SH3BGRL2: variants seen among roughly 807,000 people sequenced by gnomAD.
The protein encoded by SH3BGRL2 is SH3 domain-binding glutamic acid-rich-like protein 2.
In SH3BGRL2, 21 loss-of-function variants were observed where a neutral mutation model predicts 14.8. That is an observed-to-expected ratio of 1.42 (90% CI 1.01 to 2.05). The LOEUF (loss-of-function observed/expected upper bound fraction) is 2.05. Ranked by LOEUF, SH3BGRL2 falls within the 30% of genes most tolerant of loss-of-function variation. SH3BGRL2 has a pLI of 0.00. For synonymous variants in SH3BGRL2, 50 were observed against 47.8 expected (o/e 1.05, Z -0.19); for missense variants, 147 against 130.8 (o/e 1.12, Z -0.61).
At chr6:79,565,829 A>G in the SH3BGRL2 span, among the ~76,000 whole-genome samples, 2 of 152,226 alleles carry the variant, frequency 1.3e-5, no homozygotes, top group African/African-American at 2.4e-5. Context: ...ACTTCCCCCA[A>G]CAAATTATGG....
At chr6:79,683,925 G>A (rs139280854) in intron 2 of SH3BGRL2, among the ~76,000 whole-genome samples, 24 of 152,280 alleles carry the variant, frequency 1.6e-4, no homozygotes, top group African/African-American at 5.1e-4. Flanking sequence ...GAATGGAGTA[G>A]AACAAAATGA....
At chr6:79,633,638 C>T (rs1416780797) in intron 1 of SH3BGRL2, among the ~76,000 whole-genome samples, 2 of 152,112 alleles carry the variant, frequency 1.3e-5, no homozygotes, top group African/African-American at 2.4e-5. Flanking sequence ...TAATATTCTG[C>T]TGTTTGAAGA....
the SH3BGRL2 span, among the ~76,000 whole-genome samples, chr6:79,608,287 T>C: frequency 2.6e-5 from 4 of 152,094 alleles, no homozygotes; most frequent in African/African-American, 9.7e-5. Flanking sequence ...GTTTCTTCAA[T>C]TGGGAGGAAG....
the SH3BGRL2 span, among the ~76,000 whole-genome samples, chr6:79,602,893 ATGTCCTTATTCTT>A: frequency 6.6e-6 from 1 of 152,188 alleles, no homozygotes; most frequent in Non-Finnish European, 1.5e-5. Context: ...GTTATCTGAA[ATGTCCTTATTCTT>A]TTCTAGTCTT....
intron 1 of SH3BGRL2, among the ~76,000 whole-genome samples, chr6:79,670,553 T>G (rs1001535665): frequency 1.3e-5 from 2 of 152,238 alleles, no homozygotes; most frequent in African/African-American, 4.8e-5. Flanking sequence ...AGCTGTTATT[T>G]TCAATCCTTC....
intron 1 of SH3BGRL2, 64 bp downstream of exon 1, chr6:79,631,570 C>G (rs1562142606): frequency 7.9e-7 from 1 of 1,263,324 alleles, no homozygotes; most frequent in Non-Finnish European, 1.0e-6. Context: ...GGGAGGCGCG[C>G]GGCGCTCGTC....
chr6:79,611,637 C>T, the SH3BGRL2 span, among the ~76,000 whole-genome samples: 326 of 152,268 alleles, frequency 2.1e-3, no homozygotes, highest in Admixed American at 3.1e-3. Flanking sequence ...GTCTTGCACT[C>T]CTGACCTCAA....
At chr6:79,641,773 G>T (rs1010327402) in intron 1 of SH3BGRL2, among the ~76,000 whole-genome samples, 5 of 152,030 alleles carry the variant, frequency 3.3e-5, no homozygotes, top group Admixed American at 1.3e-4. Context: ...AAATCACAAT[G>T]ACCTTGAACT....
chr6:79,681,866 C>A (rs761687957), intron 2 of SH3BGRL2, among the ~76,000 whole-genome samples: 5 of 151,926 alleles, frequency 3.3e-5, no homozygotes, highest in Admixed American at 6.6e-5. Context: ...ACAGGAGAAT[C>A]GCTTGATCCC....
At chr6:79,602,420 C>T in the SH3BGRL2 span, among the ~76,000 whole-genome samples, 1 of 152,184 alleles carries the variant, frequency 6.6e-6, no homozygotes, top group African/African-American at 2.4e-5. Context: ...TCAGGGAGAA[C>T]AGGGCCTGGA....
chr6:79,573,637 T>G, the SH3BGRL2 span, among the ~76,000 whole-genome samples: 1 of 152,288 alleles, frequency 6.6e-6, no homozygotes, highest in East Asian at 1.9e-4. Context: ...GATATATTAG[T>G]AGGTCTCTTT....
chr6:79,643,628 A>G (rs1769073463), intron 1 of SH3BGRL2, among the ~76,000 whole-genome samples: 1 of 152,194 alleles, frequency 6.6e-6, no homozygotes, highest in Admixed American at 6.5e-5. Context: ...TGCATTTGTT[A>G]TTTGTACTCC....
chr6:79,700,952 A>G lies in SH3BGRL2; in HGVS notation c.*1443A>G, dbSNP rs1463255773. On this transcript the variant is annotated 3_prime_UTR_variant, in exon 4 of 4. Coordinates refer to ENST00000369838, the MANE Select transcript of SH3BGRL2 (RefSeq NM_031469.4). ...ATTCTGAGCAGGAAATTTATAAGAA[A>G]TTGAAAGAGCAGAAGAATTACAGCC... is the stretch of plus-strand genomic sequence containing the variant. The G allele has an allele frequency of 2.6e-5, 4 of 152,182 alleles. No homozygotes were observed. Among genetic ancestry groups the G allele is most frequent in the African/African-American group, 4.8e-5 (2 of 41,442 alleles). The allele number at this position is 152,182 out of a possible 1,614,324, so 9.4% of individuals were successfully genotyped here. A position where few individuals can be genotyped will look rare whatever the true frequency, so the allele number is the denominator to read the frequency against.
the SH3BGRL2 span, among the ~76,000 whole-genome samples, chr6:79,612,394 C>T: frequency 1.7e-3 from 261 of 152,326 alleles, no homozygotes; most frequent in African/African-American, 6.2e-3. Context: ...TTATACCCTA[C>T]AGTGATTTCT....
At chr6:79,548,555 G>A in the SH3BGRL2 span, among the ~76,000 whole-genome samples, 1 of 152,148 alleles carries the variant, frequency 6.6e-6, no homozygotes, top group African/African-American at 2.4e-5. Flanking sequence ...AGAGCTGAGG[G>A]CTGTAGTACT....
At chr6:79,623,360 A>C in the SH3BGRL2 span, among the ~76,000 whole-genome samples, 8 of 152,222 alleles carry the variant, frequency 5.3e-5, no homozygotes, top group Non-Finnish European at 1.0e-4. Context: ...GGAAAGACTA[A>C]ATGCTGTCAG....
chr6:79,547,795 T>C, the SH3BGRL2 span, among the ~76,000 whole-genome samples: 2 of 152,062 alleles, frequency 1.3e-5, no homozygotes, highest in Non-Finnish European at 2.9e-5. Context: ...GAAAAAAAAA[T>C]GTAATTTTTG....
the SH3BGRL2 span, among the ~76,000 whole-genome samples, chr6:79,594,207 A>G: frequency 6.6e-6 from 1 of 152,166 alleles, no homozygotes. Context: ...TGAAAACTAC[A>G]TTGTTGAATT....
At chr6:79,546,711 T>TTTTTC in the SH3BGRL2 span, among the ~76,000 whole-genome samples, 1 of 152,006 alleles carries the variant, frequency 6.6e-6, no homozygotes, top group African/African-American at 2.4e-5. Flanking sequence ...TTTTTTTTTT[T>TTTTTC]TTCTCGAGAT....
Sources: allele counts gnomAD v4.1 joint callset (sites outside exome capture counted in the v4.1 genomes callset), GRCh38; gene constraint gnomAD v4.1.1; transcripts MANE v1.5; gene names NCBI Gene and HGNC (gene_info 2026-07-23, HGNC 2026-07-21).